The following ENTREP1 variants were observed in gnomAD, a reference collection of about 807,000 sequenced individuals.
ENTREP1 encodes endosomal transmembrane epsin interactor 1.
the ENTREP1 span, chr9:69,371,414 G>A: frequency 4.2e-6 from 4 of 943,016 alleles, no homozygotes; most frequent in Non-Finnish European, 7.1e-6. Flanking sequence ...TCTTGGAAGG[G>A]AATATGAGTT....
the ENTREP1 span, among the ~76,000 whole-genome samples, chr9:69,362,055 G>A: frequency 6.6e-6 from 1 of 152,094 alleles, no homozygotes; most frequent in South Asian, 2.1e-4. Context: ...TTAGTGAATA[G>A]GTTTTAAAAT....
chr9:69,367,002 G>C, the ENTREP1 span, among the ~76,000 whole-genome samples: 8 of 151,812 alleles, frequency 5.3e-5, no homozygotes, highest in Admixed American at 2.6e-4. Flanking sequence ...CTATAGCCTT[G>C]ATTTCCCAGG....
the ENTREP1 span, among the ~76,000 whole-genome samples, chr9:69,338,637 G>A: frequency 1.3e-5 from 2 of 152,096 alleles, no homozygotes; most frequent in African/African-American, 4.8e-5. Context: ...TTAAGTATAT[G>A]CACTTTGTCA....
chr9:69,324,923 C>A, the ENTREP1 span: 1 of 985,086 alleles, frequency 1.0e-6, no homozygotes, highest in Non-Finnish European at 1.2e-6. Context: ...GAGGTGCCTC[C>A]CACCTCGAGG....
chr9:69,388,329 A>G, the ENTREP1 span: 2 of 1,614,228 alleles, frequency 1.2e-6, no homozygotes, highest in Non-Finnish European at 1.7e-6. Flanking sequence ...AGGTTCCTGG[A>G]GCAGTCCTCT....
At chr9:69,390,984 A>G in the ENTREP1 span, among the ~76,000 whole-genome samples, 3 of 144,128 alleles carry the variant, frequency 2.1e-5, no homozygotes, top group East Asian at 2.0e-4. Flanking sequence ...GAGTCTCACT[A>G]TGTTACTCAG....
At chr9:69,360,302 A>C in the ENTREP1 span, among the ~76,000 whole-genome samples, 6 of 152,184 alleles carry the variant, frequency 3.9e-5, no homozygotes, top group African/African-American at 1.4e-4. Flanking sequence ...TCCAAAGGCA[A>C]TCAGTCACTT....
At chr9:69,332,001 A>T in the ENTREP1 span, among the ~76,000 whole-genome samples, 67 of 152,024 alleles carry the variant, frequency 4.4e-4, no homozygotes, top group Admixed American at 2.8e-3. Context: ...TCTTTTCCCA[A>T]CCCCTTTCCC....
At chr9:69,349,483 G>A in the ENTREP1 span, among the ~76,000 whole-genome samples, 1 of 152,102 alleles carries the variant, frequency 6.6e-6, no homozygotes, top group Non-Finnish European at 1.5e-5. Flanking sequence ...GGGGTGTGAC[G>A]TGGCATCTCA....
chr9:69,351,518 G>A, the ENTREP1 span, among the ~76,000 whole-genome samples: 1 of 152,222 alleles, frequency 6.6e-6, no homozygotes, highest in African/African-American at 2.4e-5. Flanking sequence ...GCGGGTTCAA[G>A]TGATTCTCTT....
the ENTREP1 span, among the ~76,000 whole-genome samples, chr9:69,367,856 TACACAC>T: frequency 1.2e-3 from 120 of 103,266 alleles, 2 homozygotes; most frequent in African/African-American, 3.3e-3. Context: ...TATAAATATA[TACACAC>T]ATATATATAA....
chr9:69,377,947 C>T, the ENTREP1 span, among the ~76,000 whole-genome samples: 1 of 152,182 alleles, frequency 6.6e-6, no homozygotes, highest in Non-Finnish European at 1.5e-5. Context: ...GAGTCCACCT[C>T]TGCCAGCCTT....
At chr9:69,372,863 A>G in the ENTREP1 span, among the ~76,000 whole-genome samples, 2 of 151,598 alleles carry the variant, frequency 1.3e-5, no homozygotes, top group Admixed American at 1.3e-4. Context: ...TTTTTTTTAA[A>G]GTGGCCATTC....
At chr9:69,360,819 T>C in the ENTREP1 span, among the ~76,000 whole-genome samples, 1 of 152,212 alleles carries the variant, frequency 6.6e-6, no homozygotes, top group South Asian at 2.1e-4. Flanking sequence ...CCCCACAAAT[T>C]TTGGTGGAGC....
chr9:69,388,411 C>T, the ENTREP1 span: 1 of 1,611,222 alleles, frequency 6.2e-7, no homozygotes, highest in South Asian at 1.1e-5. Flanking sequence ...ATGAGGAGCA[C>T]ATGGAGGAAG....
the ENTREP1 span, among the ~76,000 whole-genome samples, chr9:69,369,292 C>A: frequency 1.3e-5 from 2 of 151,708 alleles, no homozygotes; most frequent in Non-Finnish European, 2.9e-5. Context: ...AATAAACATA[C>A]GTGTGTGTGT....
At chr9:69,385,594 G>C in the ENTREP1 span, among the ~76,000 whole-genome samples, 5 of 152,082 alleles carry the variant, frequency 3.3e-5, no homozygotes, top group Admixed American at 3.3e-4. Flanking sequence ...GTGGAGGGGT[G>C]GTTTGGAAAG....
At chr9:69,340,666 C>CATGTGTGTGTGCATGT in the ENTREP1 span, among the ~76,000 whole-genome samples, 34 of 108,736 alleles carry the variant, frequency 3.1e-4, 1 homozygote, top group South Asian at 3.5e-3. Context: ...TGTGTGTGTG[C>CATGTGTGTGTGCATGT]GTGTGTGTGT....
the ENTREP1 span, among the ~76,000 whole-genome samples, chr9:69,360,567 T>G: frequency 6.6e-6 from 1 of 152,248 alleles, no homozygotes; most frequent in South Asian, 2.1e-4. Context: ...GATACAAATG[T>G]CAACCATCCT....
Sources: allele counts gnomAD v4.1 joint callset (sites outside exome capture counted in the v4.1 genomes callset), GRCh38; gene constraint gnomAD v4.1.1; transcripts MANE v1.5; gene names NCBI Gene and HGNC (gene_info 2026-07-23, HGNC 2026-07-21).